The following CD36 variants were observed in gnomAD, a reference collection of about 807,000 sequenced individuals.
CD36 encodes platelet glycoprotein 4.
Under a neutral mutation model 55.2 loss-of-function variants are expected in CD36, and 119 were observed. The observed-to-expected ratio is 2.15, with a 90% CI of 1.86 to 2.51. CD36 has a LOEUF of 2.51. CD36 is among the 30% of genes most tolerant of loss of function. CD36 has a pLI of 0.00. For synonymous variants in CD36, 186 were observed against 193.6 expected (o/e 0.96, Z 0.33); for missense variants, 819 against 555.5 (o/e 1.47, Z -4.77).
At position 80,667,612 on chromosome 7, in the gene CD36, T is replaced by C. The variant is rs1797215952; in HGVS notation, c.748+1123T>C. Among the ~76,000 whole-genome samples, 4 of 151,940 alleles carry C rather than the reference T, an allele frequency of 2.6e-5. No homozygotes were observed. The South Asian group carries it at 8.3e-4, about 32-fold the overall frequency. Reference sequence around the variant, plus strand: ...AGTAAAAATGAAGTACAGAGAATGTTTACTTTGCCAAAGGTATGATTATTG... The same window carrying C: ...AGTAAAAATGAAGTACAGAGAATGTCTACTTTGCCAAAGGTATGATTATTG... On this transcript the variant is annotated intron_variant, in intron 8 of 14. Coordinates refer to ENST00000447544, the MANE Select transcript of CD36 (RefSeq NM_001001548.3).
chr7:80,622,426 C>T (rs1793520440), intron 1 of CD36, among the ~76,000 whole-genome samples: 1 of 152,142 alleles, frequency 6.6e-6, no homozygotes, highest in Non-Finnish European at 1.5e-5. Flanking sequence ...ATAATGGCAT[C>T]CACCAAAAAT....
intron 1 of CD36, among the ~76,000 whole-genome samples, chr7:80,616,898 A>C (rs1032459292): frequency 1.2e-4 from 18 of 152,164 alleles, no homozygotes; most frequent in African/African-American, 4.1e-4. Flanking sequence ...GTCTTTTAAA[A>C]CAGAAAACTA....
intron 1 of CD36, among the ~76,000 whole-genome samples, chr7:80,615,451 C>T (rs1793097212): frequency 1.3e-5 from 2 of 152,036 alleles, no homozygotes; most frequent in African/African-American, 4.8e-5. Context: ...TCCTTTTTGC[C>T]TCTGAATTTA....
chr7:80,656,925 T>C (rs952859515), intron 4 of CD36, among the ~76,000 whole-genome samples: 1 of 152,170 alleles, frequency 6.6e-6, no homozygotes, highest in African/African-American at 2.4e-5. Flanking sequence ...TATCCAAATA[T>C]TTATTAGACA....
chr7:80,646,915 T>G, intron 3 of CD36, 55 bp downstream of exon 3: 2 of 1,600,232 alleles, frequency 1.2e-6, no homozygotes, highest in Admixed American at 3.3e-5. Flanking sequence ...TAACTTCTCT[T>G]TTTTTGCTTT....
rs1316769792 is a variant in CD36 at position 80,676,735 on chromosome 7, A to C, written c.*352A>C. On this transcript the variant is annotated 3_prime_UTR_variant, in exon 15 of 15. Coordinates refer to ENST00000447544, the MANE Select transcript of CD36 (RefSeq NM_001001548.3). ...TCCTGCAAATGGACATCATTTTAGC[A>C]CACTAGCGGTTTATATTTTAAGGAC... 1 of 151,946 alleles carries C rather than the reference A, an allele frequency of 6.6e-6. No homozygotes were observed. The highest frequency in any genetic ancestry group is 1.5e-5 in the Non-Finnish European group (1 of 67,992). The allele number at this position is 151,946 out of a possible 1,614,324, so 9.4% of individuals were successfully genotyped here. A position where few individuals can be genotyped will look rare whatever the true frequency, so the allele number is the denominator to read the frequency against.
rs756624996 is a variant in CD36, at chr7:80,646,781, T to G, written c.41T>G (p.Val14Gly). Residue 14 changes from valine (V) to glycine (G), a missense_variant, in exon 3 of 15, where the codon GTC (valine) becomes GGC (glycine). Physicochemically the swap from Val to Gly is moderately radical, Grantham distance 109. Coordinates refer to ENST00000447544, the MANE Select transcript of CD36 (RefSeq NM_001001548.3). ...DRNCGLIAGAVIGAVLAVFGG... is the reference protein window; with the variant it reads ...DRNCGLIAGAGIGAVLAVFGG... ...AACTGTGGGCTCATCGCTGGGGCTGTCATTGGTGCTGTCCTGGCTGTGTTT... is the reference window on the plus strand; with the variant it reads ...AACTGTGGGCTCATCGCTGGGGCTGGCATTGGTGCTGTCCTGGCTGTGTTT... 11 of 1,614,050 alleles carry G rather than the reference T, an allele frequency of 6.8e-6. No homozygotes were observed. The South Asian group carries it at 1.2e-4, about 18-fold the overall frequency.
chr7:80,644,354 G>T (rs1795008047), intron 1 of CD36, among the ~76,000 whole-genome samples: 1 of 152,084 alleles, frequency 6.6e-6, no homozygotes, highest in Non-Finnish European at 1.5e-5. Context: ...CCTTTACATT[G>T]GAGAAAAATG....
intron 1 of CD36, among the ~76,000 whole-genome samples, chr7:80,617,321 AC>A (rs1793218133): frequency 6.6e-6 from 1 of 151,834 alleles, no homozygotes; most frequent in South Asian, 2.1e-4. Context: ...TATAGAACAA[AC>A]CTCCATGACA....
At chr7:80,675,791 G>A (rs1798140656) in intron 14 of CD36, among the ~76,000 whole-genome samples, 1 of 152,142 alleles carries the variant, frequency 6.6e-6, no homozygotes, top group Admixed American at 6.5e-5. Context: ...GTGTAAGACG[G>A]TGGAGCTTTA....
At chr7:80,668,168 A>G (rs1383001270) in intron 8 of CD36, among the ~76,000 whole-genome samples, 1 of 152,208 alleles carries the variant, frequency 6.6e-6, no homozygotes, top group Admixed American at 6.5e-5. Context: ...TATAAGCGGA[A>G]TACTTAGTCC....
chr7:80,674,002 A>ACTGG lies in CD36; in HGVS notation c.1274_1275insCTGG (p.Glu425AspfsTer130). The ACTGG allele has an allele frequency of 6.2e-7, 1 of 1,612,168 alleles. No homozygotes were observed. Among genetic ancestry groups the ACTGG allele is most frequent in the African/African-American group, 1.3e-5 (1 of 74,972 alleles). ...TTACAGACTGGGACCATTGGTGATG[A>ACTGG]GAAGGCAAACATGTTCAGAAGTCAA... On this transcript the variant is annotated frameshift_variant, in exon 14 of 15. Coordinates refer to ENST00000447544, the MANE Select transcript of CD36 (RefSeq NM_001001548.3). LOFTEE classifies it high-confidence loss of function.
chr7:80,652,862 A>G (rs573932219), intron 3 of CD36, among the ~76,000 whole-genome samples: 98 of 152,158 alleles, frequency 6.4e-4, no homozygotes, highest in Non-Finnish European at 1.1e-3. Context: ...TCTGGTTTGT[A>G]CTAACACTGT....
At chr7:80,621,788 G>A (rs904853515) in intron 1 of CD36, among the ~76,000 whole-genome samples, 6 of 152,188 alleles carry the variant, frequency 3.9e-5, no homozygotes, top group South Asian at 2.1e-4. Context: ...GTTAACTAGC[G>A]AGAGTGGCAA....
Position 80,676,915 on chromosome 7 carries a change from C to T in CD36, c.*532C>T, listed in dbSNP as rs760878362. ...AATTATTGTATGAAATATTACAAAGCGTAGACTATGCATTGTTATTCATTA... is the reference window on the plus strand; with the variant it reads ...AATTATTGTATGAAATATTACAAAGTGTAGACTATGCATTGTTATTCATTA... On this transcript the variant is annotated 3_prime_UTR_variant, in exon 15 of 15. Coordinates refer to ENST00000447544, the MANE Select transcript of CD36 (RefSeq NM_001001548.3). 2 of 151,912 alleles carry T rather than the reference C, an allele frequency of 1.3e-5. No homozygotes were observed. The highest frequency in any genetic ancestry group is 1.9e-4 in the East Asian group (1 of 5,172). The allele number at this position is 151,912 out of a possible 1,614,324, so 9.4% of individuals were successfully genotyped here.
chr7:80,652,049 A>G (rs1007369738), intron 3 of CD36, among the ~76,000 whole-genome samples: 2 of 152,138 alleles, frequency 1.3e-5, no homozygotes, highest in African/African-American at 4.8e-5. Context: ...TAAAAGCTCA[A>G]AAATAAATGA....
chr7:80,674,230 A>G (rs780953088), intron 14 of CD36, 83 bp downstream of exon 14: 128 of 929,216 alleles, frequency 1.4e-4, no homozygotes, highest in Non-Finnish European at 1.9e-4. Context: ...GAAGTTACAT[A>G]TTAGGCCATA....
rs371964967 is a variant in CD36, at chr7:80,603,769, C to CAAAAAA, written c.-184+1402_-184+1407dup. Among the ~76,000 whole-genome samples, 19 of 94,396 alleles carry CAAAAAA rather than the reference C, an allele frequency of 2.0e-4. No individual in the cohort carries two copies. In the East Asian group the frequency reaches 3.5e-3, roughly 18 times the overall value. The allele number at this position is 94,396 out of a possible 152,430, so 61.9% of individuals were successfully genotyped here. Reference sequence around the variant, plus strand: ...CTGGAACTCAAGAATTACAGTCAGGCAAAAAAAAAAAAAAAAAGAGTTTTA... The same window carrying CAAAAAA: ...CTGGAACTCAAGAATTACAGTCAGGCAAAAAAAAAAAAAAAAAAAAAAAGAGTTTTA... On this transcript the variant is annotated intron_variant, in intron 1 of 13. Transcript: ENST00000309881.
intron 1 of CD36, among the ~76,000 whole-genome samples, chr7:80,604,352 T>A (rs1473058677): frequency 5.4e-5 from 1 of 18,578 alleles, no homozygotes; most frequent in African/African-American, 2.7e-4. Flanking sequence ...CCACTGGAAT[T>A]TTTTTTTTTT....
Sources: gnomAD v4.1 joint callset for allele counts (sites outside exome capture counted in the v4.1 genomes callset) on GRCh38, gnomAD v4.1.1 for gene constraint, MANE v1.5 for transcripts, NCBI Gene and HGNC (gene_info 2026-07-23, HGNC 2026-07-21) for gene names.